Variants in MEGF10 observed in about 807,000 individuals in gnomAD.
MEGF10 encodes multiple epidermal growth factor-like domains protein 10.
In MEGF10, 86 loss-of-function variants were observed where a neutral mutation model predicts 147.5. That is an observed-to-expected ratio of 0.58 (90% CI 0.49 to 0.70). The LOEUF (loss-of-function observed/expected upper bound fraction) is 0.70. Ranked by LOEUF, MEGF10 falls within the 30% of genes least tolerant of loss-of-function variation. The pLI, the probability that MEGF10 is intolerant of heterozygous loss-of-function variation, is 0.00. For missense variants in MEGF10, 1,329 were observed against 1,487.3 expected, an observed-to-expected ratio of 0.89 and a Z score of 1.75; for synonymous variants, 478 against 525.5, an observed-to-expected ratio of 0.91 and a Z score of 1.24.
intron 1 of MEGF10, among the ~76,000 whole-genome samples, chr5:127,314,045 C>T (rs1220790245): frequency 6.6e-6 from 1 of 152,136 alleles, no homozygotes; most frequent in Non-Finnish European, 1.5e-5. Flanking sequence ...TGAGCTGAAG[C>T]GCCACCTCCT....
upstream of MEGF10, among the ~76,000 whole-genome samples, chr5:127,286,325 C>G (rs993290109): frequency 2.0e-5 from 3 of 152,124 alleles, no homozygotes; most frequent in Non-Finnish European, 4.4e-5. Flanking sequence ...ATGTTCCTAA[C>G]ACATAGTAAT....
chr5:127,434,111 C>T (rs1006257814), intron 14 of MEGF10, among the ~76,000 whole-genome samples: 2 of 152,118 alleles, frequency 1.3e-5, no homozygotes, highest in Non-Finnish European at 2.9e-5. Context: ...TGCCTTTCCC[C>T]CCATAAGAAT....
the MEGF10 span, among the ~76,000 whole-genome samples, chr5:127,236,114 A>C: frequency 6.6e-6 from 1 of 152,116 alleles, no homozygotes; most frequent in Non-Finnish European, 1.5e-5. Context: ...CTGGGACTAC[A>C]GGCACGCGCC....
At chr5:127,355,609 T>G (rs1762251665) in intron 4 of MEGF10, among the ~76,000 whole-genome samples, 1 of 152,146 alleles carries the variant, frequency 6.6e-6, no homozygotes. Context: ...AAATTCCAAT[T>G]TTCCCACACA....
the MEGF10 span, among the ~76,000 whole-genome samples, chr5:127,246,999 T>TATATATATATATATATATAC: frequency 5.5e-5 from 7 of 126,608 alleles, no homozygotes; most frequent in African/African-American, 2.1e-4. Context: ...TATATATATA[T>TATATATATATATATATATAC]ATATATATAG....
chr5:127,276,140 A>T, the MEGF10 span, among the ~76,000 whole-genome samples: 2 of 152,228 alleles, frequency 1.3e-5, no homozygotes, highest in Non-Finnish European at 2.9e-5. Flanking sequence ...GCACTTAGTG[A>T]AACAACCTTC....
intron 4 of MEGF10, among the ~76,000 whole-genome samples, chr5:127,345,332 G>A (rs1169238505): frequency 2.0e-5 from 3 of 152,130 alleles, no homozygotes; most frequent in Admixed American, 1.3e-4. Flanking sequence ...GGGCCCAAAG[G>A]TATGCATTTC....
At chr5:127,276,808 T>A in the MEGF10 span, among the ~76,000 whole-genome samples, 1 of 151,908 alleles carries the variant, frequency 6.6e-6, no homozygotes, top group Non-Finnish European at 1.5e-5. Context: ...TTATATAGGA[T>A]AGTAGAAGGT....
chr5:127,264,470 C>T, the MEGF10 span, among the ~76,000 whole-genome samples: 93 of 152,216 alleles, frequency 6.1e-4, no homozygotes, highest in Non-Finnish European at 5.9e-4. Context: ...TTTATTGGCT[C>T]ATAAAACTGA....
intron 4 of MEGF10, among the ~76,000 whole-genome samples, chr5:127,362,063 ATCTTT>A (rs78259230): frequency 0.025 from 3,839 of 152,178 alleles, 207 homozygotes; most frequent in East Asian, 0.18. Flanking sequence ...AATCTACTAT[ATCTTT>A]TCTTATTTTC....
At chr5:127,237,492 C>T in the MEGF10 span, among the ~76,000 whole-genome samples, 1 of 150,756 alleles carries the variant, frequency 6.6e-6, no homozygotes, top group Non-Finnish European at 1.5e-5. Flanking sequence ...ACTCTGTCTC[C>T]AAAAAAATAA....
chr5:127,322,788 A>T (rs1760838705), intron 1 of MEGF10, among the ~76,000 whole-genome samples: 1 of 152,194 alleles, frequency 6.6e-6, no homozygotes, highest in Non-Finnish European at 1.5e-5. Context: ...TTAATGTTAA[A>T]TTTTTTGTGT....
At chr5:127,237,222 C>T in the MEGF10 span, among the ~76,000 whole-genome samples, 5 of 152,184 alleles carry the variant, frequency 3.3e-5, no homozygotes, top group Admixed American at 1.3e-4. Flanking sequence ...TTCGGCCAGG[C>T]GTGGTGGCTC....
At chr5:127,241,388 A>C in the MEGF10 span, among the ~76,000 whole-genome samples, 1 of 152,166 alleles carries the variant, frequency 6.6e-6, no homozygotes, top group Non-Finnish European at 1.5e-5. Context: ...CTTATAGGTA[A>C]CAAAGGAATG....
chr5:127,342,990 C>A (rs1470038245), intron 4 of MEGF10, among the ~76,000 whole-genome samples: 1 of 152,024 alleles, frequency 6.6e-6, no homozygotes, highest in African/African-American at 2.4e-5. Flanking sequence ...CCCCGCCCAA[C>A]AATTGTTACG....
chr5:127,352,315 A>G (rs1459956372), intron 4 of MEGF10, among the ~76,000 whole-genome samples: 1 of 152,122 alleles, frequency 6.6e-6, no homozygotes, highest in Non-Finnish European at 1.5e-5. Flanking sequence ...GAAAAATGGT[A>G]CCTAGCTTTA....
chr5:127,257,885 G>C, the MEGF10 span, among the ~76,000 whole-genome samples: 1 of 152,178 alleles, frequency 6.6e-6, no homozygotes, highest in Non-Finnish European at 1.5e-5. Context: ...AAAGTGGTAA[G>C]AGCTGTCACA....
At chr5:127,417,874 A>G in intron 10 of MEGF10, 62 bp downstream of exon 10, 2 of 1,497,132 alleles carry the variant, frequency 1.3e-6, no homozygotes, top group Non-Finnish European at 1.8e-6. Context: ...TCTCAATACC[A>G]TGATTTATAT....
chr5:127,456,124 A>G (rs1766355646), intron 24 of MEGF10, among the ~76,000 whole-genome samples: 1 of 152,206 alleles, frequency 6.6e-6, no homozygotes, highest in African/African-American at 2.4e-5. Flanking sequence ...TGGATAGCAT[A>G]TGTATCATAT....
Sources: gnomAD v4.1 joint callset for allele counts (sites outside exome capture counted in the v4.1 genomes callset) on GRCh38, gnomAD v4.1.1 for gene constraint, MANE v1.5 for transcripts, NCBI Gene and HGNC (gene_info 2026-07-23, HGNC 2026-07-21) for gene names.